GPHN: variants seen among roughly 807,000 people sequenced by gnomAD.
GPHN encodes the protein gephyrin.
Under a neutral mutation model 95.5 loss-of-function variants are expected in GPHN, and 17 were observed. The ratio of observed to expected loss-of-function variants is 0.18; its 90% CI spans 0.12 to 0.27. The LOEUF (loss-of-function observed/expected upper bound fraction) is 0.27. GPHN is among the 10% of genes least tolerant of loss of function. The pLI is 1.00. For missense variants in GPHN, 660 were observed against 978.1 expected, an observed-to-expected ratio of 0.67 and a Z score of 4.34; for synonymous variants, 320 against 322.5, an observed-to-expected ratio of 0.99 and a Z score of 0.08.
At chr14:67,112,038 T>A in intron 15 of GPHN, 119 bp downstream of exon 15, 1 of 801,584 alleles carries the variant, frequency 1.2e-6, no homozygotes. Context: ...TTTTCAGGGC[T>A]TTAACAAAAA....
chr14:67,666,459 C>T, the GPHN span, among the ~76,000 whole-genome samples: 1 of 152,196 alleles, frequency 6.6e-6, no homozygotes, highest in South Asian at 2.1e-4. Flanking sequence ...TACAGAACTT[C>T]ACTACATTTA....
chr14:67,555,728 G>A, the GPHN span: 2 of 1,533,978 alleles, frequency 1.3e-6, no homozygotes, highest in Non-Finnish European at 8.8e-7. Flanking sequence ...AGTCTGGCCT[G>A]TGTGCAGTGT....
At chr14:67,485,492 TG>T in the GPHN span, among the ~76,000 whole-genome samples, 101 of 152,312 alleles carry the variant, frequency 6.6e-4, no homozygotes, top group South Asian at 1.7e-3. Flanking sequence ...TGCAAATTCC[TG>T]CATGGAATCT....
the GPHN span, among the ~76,000 whole-genome samples, chr14:67,232,557 CATTT>C: frequency 2.0e-5 from 3 of 152,128 alleles, no homozygotes; most frequent in Admixed American, 6.5e-5. Flanking sequence ...CACAAAATCT[CATTT>C]ATCTCTACTT....
intron 5 of GPHN, among the ~76,000 whole-genome samples, chr14:66,889,193 C>T (rs1406560283): frequency 1.3e-5 from 2 of 151,980 alleles, no homozygotes; most frequent in Non-Finnish European, 2.9e-5. Flanking sequence ...AGAACAGCCA[C>T]ACAAAAGGTA....
intron 4 of GPHN, among the ~76,000 whole-genome samples, chr14:66,841,646 A>G (rs1042418221): frequency 7.2e-5 from 11 of 152,148 alleles, no homozygotes; most frequent in African/African-American, 2.2e-4. Context: ...AGACTATGGG[A>G]AAAGTAGGTT....
the GPHN span, chr14:67,269,783 T>C: frequency 2.0e-5 from 3 of 152,752 alleles, no homozygotes; most frequent in South Asian, 2.1e-4. Context: ...GTTTGCATAA[T>C]GTAAGTTCTT....
chr14:67,333,510 T>C, the GPHN span: 1 of 152,688 alleles, frequency 6.5e-6, no homozygotes, highest in Non-Finnish European at 1.5e-5. Flanking sequence ...GGGTTGAAGC[T>C]ACTTTGTTAG....
intron 1 of GPHN, among the ~76,000 whole-genome samples, chr14:66,519,604 G>A (rs554702110): frequency 1.1e-3 from 171 of 152,128 alleles, no homozygotes; most frequent in Non-Finnish European, 1.7e-3. Flanking sequence ...TAGAACATGC[G>A]TTCTTCAGTT....
chr14:67,557,780 C>T, the GPHN span, among the ~76,000 whole-genome samples: 1 of 152,314 alleles, frequency 6.6e-6, no homozygotes, highest in East Asian at 1.9e-4. Context: ...GGAGAGGCAA[C>T]CTATGTGACC....
intron 11 of GPHN, among the ~76,000 whole-genome samples, chr14:67,083,101 A>G (rs978108378): frequency 1.3e-5 from 2 of 152,206 alleles, no homozygotes; most frequent in African/African-American, 4.8e-5. Flanking sequence ...TGTTGCTTTG[A>G]GTAGACACAA....
At chr14:67,354,620 C>T in the GPHN span, among the ~76,000 whole-genome samples, 2 of 152,062 alleles carry the variant, frequency 1.3e-5, no homozygotes, top group African/African-American at 2.4e-5. Context: ...TTAAAAAAGA[C>T]GAAGGTATAT....
chr14:66,676,514 G>A (rs1004992378), intron 1 of GPHN, among the ~76,000 whole-genome samples: 8 of 151,976 alleles, frequency 5.3e-5, no homozygotes, highest in African/African-American at 1.9e-4. Context: ...TTATTATGAA[G>A]GGAGTTGAAT....
chr14:66,764,517 C>CA (rs1448413316), intron 2 of GPHN, among the ~76,000 whole-genome samples: 1 of 151,838 alleles, frequency 6.6e-6, no homozygotes. Flanking sequence ...ACTTACACAA[C>CA]AAATACGTGC....
At chr14:67,207,542 C>G in the GPHN span, among the ~76,000 whole-genome samples, 43 of 151,886 alleles carry the variant, frequency 2.8e-4, 1 homozygote, top group Admixed American at 2.5e-3. Context: ...ACAAAACATC[C>G]AAACCATATC....
chr14:67,261,054 T>C, the GPHN span, among the ~76,000 whole-genome samples: 1 of 152,182 alleles, frequency 6.6e-6, no homozygotes, highest in East Asian at 1.9e-4. Flanking sequence ...TTTGTTAAGA[T>C]ACAAAATTGA....
chr14:67,144,034 C>T (rs556603700), intron 18 of GPHN, among the ~76,000 whole-genome samples: 2 of 150,782 alleles, frequency 1.3e-5, no homozygotes, highest in African/African-American at 2.4e-5. Context: ...CCCAGGAGTT[C>T]AAGACCACCT....
At chr14:67,373,539 G>C in the GPHN span, among the ~76,000 whole-genome samples, 5 of 152,170 alleles carry the variant, frequency 3.3e-5, no homozygotes, top group Non-Finnish European at 7.4e-5. Context: ...CAGACATGCT[G>C]TCCTCCAGTA....
the GPHN span, among the ~76,000 whole-genome samples, chr14:67,518,141 AACC>A: frequency 6.6e-6 from 1 of 152,150 alleles, no homozygotes; most frequent in African/African-American, 2.4e-5. Context: ...GCCTGGAACA[AACC>A]ACCCCTGCTG....
Sources: allele counts gnomAD v4.1 joint callset (sites outside exome capture counted in the v4.1 genomes callset), GRCh38; gene constraint gnomAD v4.1.1; transcripts MANE v1.5; gene names NCBI Gene and HGNC (gene_info 2026-07-23, HGNC 2026-07-21).